Variants in PARD3B observed in about 807,000 individuals in gnomAD.
PARD3B encodes the protein partitioning defective 3 homolog B.
A neutral mutation model predicts 130.2 loss-of-function variants in PARD3B; 103 were observed. The ratio of observed to expected loss-of-function variants is 0.79; its 90% confidence interval spans 0.67 to 0.93. PARD3B has a LOEUF of 0.93. Ranked by LOEUF, PARD3B falls within the 40% of genes least tolerant of loss-of-function variation. The pLI is 0.00. For missense variants in PARD3B, 1,609 were observed against 1,499.2 expected (o/e 1.07, Z -1.21); for synonymous variants, 583 against 553.2 (o/e 1.05, Z -0.76).
intron 22 of PARD3B, among the ~76,000 whole-genome samples, chr2:205,606,126 C>T (rs928446034): frequency 6.6e-6 from 1 of 152,082 alleles, no homozygotes; most frequent in African/African-American, 2.4e-5. Flanking sequence ...CAGACTGGAG[C>T]CACAGTGATG....
In PARD3B at chr2:205,122,302, C is replaced by A. The variant is rs971404716; in HGVS notation, c.1165+353C>A. On this transcript the variant is annotated intron_variant, in intron 8 of 22. Coordinates refer to ENST00000406610, the MANE Select transcript of PARD3B (RefSeq NM_001302769.2). This position sits in a 1 kb window ranked among gnomAD's most constrained non-coding sequence, Gnocchi z 4.3. ...GCACGATTAGTGATTCTTGAAGCATCCTTTAGGCCATGTCCAAAAAGCATA... is the reference window on the plus strand; with the variant it reads ...GCACGATTAGTGATTCTTGAAGCATACTTTAGGCCATGTCCAAAAAGCATA... Among the ~76,000 whole-genome samples the A allele has an allele frequency of 6.6e-6, 1 of 152,134 alleles. No homozygotes were observed. The highest frequency in any genetic ancestry group is 2.4e-5 in the African/African-American group (1 of 41,432).
At chr2:204,861,170 C>CT (rs2045174837) in intron 2 of PARD3B, among the ~76,000 whole-genome samples, 1 of 72,308 alleles carries the variant, frequency 1.4e-5, no homozygotes, top group African/African-American at 2.1e-4. Context: ...CTTTCTCTCT[C>CT]TCTCTCTCTC....
At chr2:204,612,087 C>T (rs2033950120) in intron 1 of PARD3B, among the ~76,000 whole-genome samples, 1 of 152,178 alleles carries the variant, frequency 6.6e-6, no homozygotes, top group African/African-American at 2.4e-5. Flanking sequence ...ATGAGATCTT[C>T]TTGATCTGTC....
chr2:204,763,597 A>G (rs2041004318), intron 2 of PARD3B, among the ~76,000 whole-genome samples: 1 of 152,242 alleles, frequency 6.6e-6, no homozygotes. Context: ...CTTATTCCAT[A>G]GAGGAGATAA....
chr2:205,237,784 A>G (rs1233320789), intron 15 of PARD3B, among the ~76,000 whole-genome samples: 1 of 152,142 alleles, frequency 6.6e-6, no homozygotes, highest in Non-Finnish European at 1.5e-5. Flanking sequence ...TGCTAATCAT[A>G]TATTTTTCTA....
chr2:204,611,773 C>T (rs1224091633), intron 1 of PARD3B, among the ~76,000 whole-genome samples: 1 of 152,138 alleles, frequency 6.6e-6, no homozygotes, highest in Non-Finnish European at 1.5e-5. Flanking sequence ...TTTTAAAAAT[C>T]CATTTGCGTA....
chr2:204,668,275 T>G (rs544525987), intron 1 of PARD3B, among the ~76,000 whole-genome samples: 2 of 152,326 alleles, frequency 1.3e-5, no homozygotes, highest in South Asian at 4.1e-4. Context: ...TCTGATTGAT[T>G]AGCGCTTCTG....
chr2:205,544,715 T>C (rs754923310), intron 21 of PARD3B, among the ~76,000 whole-genome samples: 1 of 152,214 alleles, frequency 6.6e-6, no homozygotes, highest in East Asian at 1.9e-4. Context: ...ATAAATACTT[T>C]ATAATTTCAT....
At chr2:205,016,788 A>G (rs751239052) in intron 3 of PARD3B, among the ~76,000 whole-genome samples, 1 of 152,024 alleles carries the variant, frequency 6.6e-6, no homozygotes, top group Admixed American at 6.6e-5. Flanking sequence ...ATTCCTTCCT[A>G]CTCAACTGAA....
chr2:205,408,524 C>T (rs1456913438), intron 19 of PARD3B, among the ~76,000 whole-genome samples: 3 of 151,584 alleles, frequency 2.0e-5, no homozygotes, highest in Non-Finnish European at 4.4e-5. Context: ...GTATTACATT[C>T]TGGAATTAAT....
At chr2:205,557,333 C>G (rs1333529953) in intron 22 of PARD3B, among the ~76,000 whole-genome samples, 1 of 152,192 alleles carries the variant, frequency 6.6e-6, no homozygotes, top group Non-Finnish European at 1.5e-5. Flanking sequence ...CATTCCAACC[C>G]TTTCTACTCC....
intron 4 of PARD3B, among the ~76,000 whole-genome samples, chr2:205,082,457 TTC>T (rs907456835): frequency 5.3e-5 from 8 of 152,184 alleles, no homozygotes; most frequent in Non-Finnish European, 7.4e-5. Context: ...TGTGTGCACT[TTC>T]TCTCTCTGTC....
chr2:204,710,517 G>A (rs541163552), intron 2 of PARD3B, among the ~76,000 whole-genome samples: 1 of 152,330 alleles, frequency 6.6e-6, no homozygotes, highest in African/African-American at 2.4e-5. Context: ...ATGCTCATGT[G>A]GTAGAAGTTT....
At chr2:205,286,826 G>A (rs1212916659) in intron 16 of PARD3B, among the ~76,000 whole-genome samples, 1 of 152,118 alleles carries the variant, frequency 6.6e-6, no homozygotes, top group African/African-American at 2.4e-5. Context: ...ATTGTAGATA[G>A]GTTGTTTGAA....
At chr2:205,016,757 T>C (rs1696179446) in intron 3 of PARD3B, among the ~76,000 whole-genome samples, 2 of 152,180 alleles carry the variant, frequency 1.3e-5, no homozygotes, top group African/African-American at 4.8e-5. Context: ...CTTGGACCAC[T>C]GTTCTTTTAG....
chr2:204,680,835 A>G (rs1384219818), intron 1 of PARD3B, among the ~76,000 whole-genome samples: 4 of 152,116 alleles, frequency 2.6e-5, no homozygotes, highest in African/African-American at 9.7e-5. Context: ...TGATAAGAGA[A>G]CATATTTTAA....
intron 10 of PARD3B, among the ~76,000 whole-genome samples, chr2:205,156,276 G>GGC (rs1322605200): frequency 2.9e-5 from 4 of 136,824 alleles, no homozygotes; most frequent in African/African-American, 1.1e-4. Context: ...GTGGGCGGGG[G>GGC]GGGGAGGAAT....
chr2:204,670,324 G>A (rs1470182094), intron 1 of PARD3B, among the ~76,000 whole-genome samples: 1 of 152,138 alleles, frequency 6.6e-6, no homozygotes, highest in Non-Finnish European at 1.5e-5. Flanking sequence ...GTGATAGGTA[G>A]GATTTGGCCC....
At position 205,263,592 on chromosome 2, in the gene PARD3B, T is replaced by G. The variant is rs2040398193; in HGVS notation, c.2185+17770T>G. Among the ~76,000 whole-genome samples, 1 of 151,094 alleles carries G rather than the reference T, an allele frequency of 6.6e-6. No individual in the cohort carries two copies. The highest frequency in any genetic ancestry group is 1.5e-5 in the Non-Finnish European group (1 of 67,638). On this transcript the variant is annotated intron_variant, in intron 16 of 22. Transcript: ENST00000406610. The surrounding 1 kb of genome is among the most constrained non-coding windows in gnomAD (Gnocchi z 4.0). ...GCTAATCTGACATGGTTCACAGATC[T>G]TAAATGTGAGCACTAAAACTATAAA...
Sources: gnomAD v4.1 joint callset for allele counts (sites outside exome capture counted in the v4.1 genomes callset) on GRCh38, gnomAD v4.1.1 for gene constraint, Gnocchi (gnomAD v3.1) non-coding constraint, MANE v1.5 for transcripts, NCBI Gene and HGNC (gene_info 2026-07-23, HGNC 2026-07-21) for gene names.